Variants in BBS9 observed in about 807,000 individuals in gnomAD.
The protein encoded by BBS9 is protein PTHB1.
In BBS9, 89 loss-of-function variants were observed where a neutral mutation model predicts 117.7. The observed-to-expected ratio is 0.76, with a 90% confidence interval of 0.64 to 0.90. The LOEUF (loss-of-function observed/expected upper bound fraction) is 0.90, where lower values mean the gene tolerates loss of function less well. Among genes scored for constraint, BBS9 ranks in the 40% least tolerant of loss-of-function variants. BBS9 has a pLI of 0.00. For synonymous variants in BBS9, 379 were observed against 370.9 expected, an observed-to-expected ratio of 1.02 and a Z score of -0.25; for missense variants, 982 against 1,042.2, an observed-to-expected ratio of 0.94 and a Z score of 0.80.
In BBS9 at chr7:33,263,900, T is replaced by C. The variant is rs376125165; in HGVS notation, c.618-390T>C. On this transcript the variant is annotated intron_variant, in intron 6 of 22. Transcript: ENST00000242067. ...TTAAACTGAGTTCTTTTTGGTTCCA[T>C]AGATTATGTATTGATAATTTCTACT... is the stretch of plus-strand genomic sequence containing the variant. Among the ~76,000 whole-genome samples the C allele has an allele frequency of 1.3e-4, 20 of 152,266 alleles. No homozygotes were observed. The South Asian group carries it at 3.7e-3, about 28-fold the overall frequency.
chr7:33,483,732 G>A (rs535799211), intron 19 of BBS9, among the ~76,000 whole-genome samples: 8 of 151,976 alleles, frequency 5.3e-5, no homozygotes, highest in African/African-American at 1.7e-4. Context: ...CTGGACTCAA[G>A]CAATCCTCCC....
At chr7:33,452,035 T>G (rs1584882899) in intron 19 of BBS9, among the ~76,000 whole-genome samples, 1 of 152,134 alleles carries the variant, frequency 6.6e-6, no homozygotes, top group South Asian at 2.1e-4. Flanking sequence ...GGTTTTGCCA[T>G]GCTGGCCAGG....
chr7:33,365,305 G>T (rs1821474012), intron 16 of BBS9, among the ~76,000 whole-genome samples: 2 of 152,112 alleles, frequency 1.3e-5, no homozygotes, highest in African/African-American at 2.4e-5. Flanking sequence ...CCAACTTCGT[G>T]TGCTGATTTT....
intron 5 of BBS9, among the ~76,000 whole-genome samples, chr7:33,211,213 A>AT (rs1016915620): frequency 6.7e-6 from 1 of 150,314 alleles, no homozygotes; most frequent in Non-Finnish European, 1.5e-5. Context: ...CCATTTTGTT[A>AT]TTTTTTTCTG....
chr7:33,131,146 G>C (rs1248459173), intron 1 of BBS9, among the ~76,000 whole-genome samples: 2 of 152,146 alleles, frequency 1.3e-5, no homozygotes, highest in Non-Finnish European at 2.9e-5. Context: ...GGGTGAGTTT[G>C]GCATTCGTAA....
chr7:33,251,103 GACT>G (rs1796148630), intron 5 of BBS9, among the ~76,000 whole-genome samples: 1 of 152,138 alleles, frequency 6.6e-6, no homozygotes, highest in Non-Finnish European at 1.5e-5. Flanking sequence ...GACTCAAAGT[GACT>G]TCAGTATCTA....
At chr7:33,297,186 T>C (rs751969396) in intron 9 of BBS9, among the ~76,000 whole-genome samples, 8 of 152,170 alleles carry the variant, frequency 5.3e-5, no homozygotes, top group Admixed American at 1.3e-4. Context: ...TATTTCAGAA[T>C]TTAGTGGATA....
chr7:33,631,746 T>A (rs193094066), intron 21 of BBS9, among the ~76,000 whole-genome samples: 4 of 152,294 alleles, frequency 2.6e-5, no homozygotes, highest in Non-Finnish European at 4.4e-5. Context: ...AAACACTGGA[T>A]GTGTGGTGGA....
intron 20 of BBS9, among the ~76,000 whole-genome samples, chr7:33,528,223 A>G (rs895636972): frequency 1.3e-5 from 2 of 152,146 alleles, no homozygotes; most frequent in African/African-American, 2.4e-5. Flanking sequence ...TTTCGCCTTC[A>G]TATATGCAAT....
chr7:33,483,875 T>A (rs1011700365), intron 19 of BBS9, among the ~76,000 whole-genome samples: 2 of 152,174 alleles, frequency 1.3e-5, no homozygotes, highest in African/African-American at 4.8e-5. Flanking sequence ...TTGCCTCAAG[T>A]GATTCTCCTA....
intron 5 of BBS9, among the ~76,000 whole-genome samples, chr7:33,208,801 T>G (rs985906881): frequency 1.3e-3 from 6 of 4,604 alleles, no homozygotes; most frequent in African/African-American, 3.3e-3. Flanking sequence ...AAAATTCTGT[T>G]TTTTTTTTTA....
chr7:33,548,413 T>G (rs1393690212), intron 21 of BBS9, among the ~76,000 whole-genome samples: 6 of 151,850 alleles, frequency 4.0e-5, no homozygotes, highest in Non-Finnish European at 8.8e-5. Flanking sequence ...TAGTTACATA[T>G]GTATACATGT....
At chr7:33,345,505 C>T (rs987968526) in intron 12 of BBS9, among the ~76,000 whole-genome samples, 21 of 152,150 alleles carry the variant, frequency 1.4e-4, no homozygotes, top group African/African-American at 4.3e-4. Context: ...CTGGAACCAG[C>T]GGGTGGCCCA....
intron 21 of BBS9, among the ~76,000 whole-genome samples, chr7:33,603,178 G>A (rs779670467): frequency 7.2e-5 from 11 of 152,076 alleles, no homozygotes; most frequent in Non-Finnish European, 1.6e-4. Context: ...TGTGAAGGCC[G>A]CTGCCTGAGT....
intron 21 of BBS9, among the ~76,000 whole-genome samples, chr7:33,567,436 C>T (rs189950920): frequency 6.6e-5 from 10 of 152,248 alleles, no homozygotes; most frequent in East Asian, 3.9e-4. Context: ...GTGCTGCTGA[C>T]GATTTTCTCC....
chr7:33,248,913 C>T (rs1433029225), intron 5 of BBS9, among the ~76,000 whole-genome samples: 1 of 152,080 alleles, frequency 6.6e-6, no homozygotes, highest in Non-Finnish European at 1.5e-5. Context: ...TTTTTGACAG[C>T]TGCATGCTGA....
At chr7:33,266,637 T>A (rs1798871188) in intron 7 of BBS9, among the ~76,000 whole-genome samples, 1 of 152,228 alleles carries the variant, frequency 6.6e-6, no homozygotes, top group Non-Finnish European at 1.5e-5. Flanking sequence ...TATTAGTTTT[T>A]TTACTAGTTA....
intron 19 of BBS9, among the ~76,000 whole-genome samples, chr7:33,472,116 G>A (rs185577857): frequency 1.1e-3 from 160 of 152,262 alleles, no homozygotes; most frequent in Middle Eastern, 3.4e-3. Flanking sequence ...GAGAACTAGC[G>A]AAGTAAGCCA....
chr7:33,495,817 G>A (rs1047378531), intron 19 of BBS9, among the ~76,000 whole-genome samples: 3 of 152,086 alleles, frequency 2.0e-5, no homozygotes, highest in African/African-American at 7.2e-5. Context: ...TAAGTTACAT[G>A]TCTATATGGT....
Sources: allele counts gnomAD v4.1 joint callset (sites outside exome capture counted in the v4.1 genomes callset), GRCh38; gene constraint gnomAD v4.1.1; transcripts MANE v1.5; gene names NCBI Gene and HGNC (gene_info 2026-07-23, HGNC 2026-07-21).